Variants in OR2L3 observed in about 807,000 individuals in gnomAD.
OR2L3 encodes olfactory receptor family 2 subfamily L member 3.
For synonymous variants in OR2L3, 131 were observed against 139.1 expected, an observed-to-expected ratio of 0.94 and a Z score of 0.41; for missense variants, 369 against 376.6, an observed-to-expected ratio of 0.98 and a Z score of 0.17.
chr1:248,051,177 CT>C (rs1432013108), intron 1 of OR2L3: 2 of 150,008 alleles, frequency 1.3e-5, no homozygotes, highest in Non-Finnish European at 3.0e-5. Context: ...TTCCCTTCCC[CT>C]ATCCTCCAGG....
In OR2L3 at chr1:248,051,763, C is replaced by CTTTTA. The variant is rs561209781; in HGVS notation, c.-22+4892_-22+4896dup. On this transcript the variant is annotated intron_variant, in intron 1 of 1. Coordinates refer to ENST00000359959, the MANE Select transcript of OR2L3 (RefSeq NM_001004687.2). The stretch of plus-strand genomic sequence containing the variant: ...CCAAAAATGTCTGTTCAAGTGTCTG[C>CTTTTA]TTTTATTTTATTTATTTATTTATTA... Among the ~76,000 whole-genome samples the CTTTTA allele has an allele frequency of 2.8e-4, 40 of 140,886 alleles. 1 individual carries two copies. The East Asian group carries it at 8.4e-3, about 29-fold the overall frequency. The allele number at this position is 140,886 out of a possible 152,430, so 92.4% of individuals were successfully genotyped here.
chr1:248,052,845 G>C (rs1305137117), intron 1 of OR2L3, among the ~76,000 whole-genome samples: 1 of 151,540 alleles, frequency 6.6e-6, no homozygotes, highest in African/African-American at 2.4e-5. Context: ...TTTAGAATGG[G>C]CTTTTCTGTT....
rs772262592 is a variant in OR2L3, at chr1:248,061,511, A to G, written c.830A>G (p.Tyr277Cys). Residue 277 changes from tyrosine (Y) to cysteine (C), a missense_variant, in exon 2 of 2, where the codon TAC becomes TGC. Tyr to Cys is a radical substitution (Grantham distance 194). Coordinates refer to ENST00000359959, the MANE Select transcript of OR2L3 (RefSeq NM_001004687.2). ...PTEDKVLAVF[Y>C]TTLTPMLNPI... ...GAGGACAAGGTTCTGGCTGTCTTCT[A>G]CACCACCCTCACTCCAATGCTCAAC... The G allele has an allele frequency of 1.9e-6, 3 of 1,613,856 alleles. No individual in the cohort carries two copies. In the Admixed American group the frequency reaches 5.0e-5, roughly 27 times the overall value.
chr1:248,051,372 A>G (rs1284474583), intron 1 of OR2L3: 2 of 152,210 alleles, frequency 1.3e-5, no homozygotes, highest in Non-Finnish European at 2.9e-5. Flanking sequence ...TATACATACT[A>G]TATTTATATT....
chr1:248,060,017 T>A (rs1473865292), intron 1 of OR2L3, among the ~76,000 whole-genome samples: 1 of 149,928 alleles, frequency 6.7e-6, no homozygotes, highest in African/African-American at 2.5e-5. Context: ...CCCACCTGGG[T>A]AACAGAGAGA....
chr1:248,054,318 T>C (rs943662148), intron 1 of OR2L3, among the ~76,000 whole-genome samples: 4 of 152,234 alleles, frequency 2.6e-5, no homozygotes, highest in African/African-American at 9.6e-5. Flanking sequence ...TTGGTCTATG[T>C]GCTTGTTTTT....
Position 248,054,381 on chromosome 1 carries a change from C to T in OR2L3, c.-21-6280C>T, listed in dbSNP as rs749318790. Among the ~76,000 whole-genome samples, 51 of 152,216 alleles carry T rather than the reference C, an allele frequency of 3.4e-4. 1 individual carries two copies. Among genetic ancestry groups the T allele is most frequent in the Middle Eastern group, 3.4e-3 (1 of 294 alleles). On this transcript the variant is annotated intron_variant, in intron 1 of 1. Coordinates refer to ENST00000359959, the MANE Select transcript of OR2L3 (RefSeq NM_001004687.2). ...GTAGCTTTGTAGTATAGTTTGCAGT[C>T]GGGTAGCCTGATGCCTCCAGCTTTG...
chr1:248,050,174 C>G (rs531980086), intron 1 of OR2L3, among the ~76,000 whole-genome samples: 72 of 151,996 alleles, frequency 4.7e-4, no homozygotes, highest in African/African-American at 1.7e-3. Flanking sequence ...CCTACTCACT[C>G]TGAAATAGTG....
intron 1 of OR2L3, among the ~76,000 whole-genome samples, chr1:248,048,800 C>G (rs964236695): frequency 2.6e-5 from 4 of 152,158 alleles, no homozygotes; most frequent in Admixed American, 2.6e-4. Context: ...TTCTGGAAAA[C>G]TCCATAAAGA....
intron 1 of OR2L3, among the ~76,000 whole-genome samples, chr1:248,054,241 C>T (rs1663362063): frequency 6.6e-6 from 1 of 152,172 alleles, no homozygotes; most frequent in Admixed American, 6.5e-5. Flanking sequence ...TTGTTTTTTT[C>T]CAGTTTGTTG....
At chr1:248,055,792 T>C (rs981116064) in intron 1 of OR2L3, 16 of 152,160 alleles carry the variant, frequency 1.1e-4, no homozygotes, top group African/African-American at 1.7e-4. Context: ...AAAAAAATGA[T>C]TTAGGGTGGA....
rs201381266 is a variant in OR2L3 at position 248,061,474 on chromosome 1, C to T, written c.793C>T (p.Arg265Ter). The change falls in exon 2 of 2, where the codon CGA becomes TGA. Residue 265 changes from arginine to a stop codon, truncating the protein, a stop_gained. Coordinates refer to ENST00000359959, the MANE Select transcript of OR2L3 (RefSeq NM_001004687.2). LOFTEE classifies it low-confidence loss of function (END_TRUNC). ...VYTYLRPRSLRSPTEDKVLAV... is the reference protein window; with the variant it reads ...VYTYLRPRSL ...CACTTATCTACGTCCAAGATCCCTG[C>T]GATCTCCAACAGAGGACAAGGTTCT... 74 of 1,613,828 alleles carry T rather than the reference C, an allele frequency of 4.6e-5. No homozygotes were observed. Among genetic ancestry groups the T allele is most frequent in the Middle Eastern group, 1.6e-4 (1 of 6,080 alleles).
chr1:248,054,455 G>A (rs908613198), intron 1 of OR2L3, among the ~76,000 whole-genome samples: 5 of 151,994 alleles, frequency 3.3e-5, no homozygotes, highest in Admixed American at 2.6e-4. Context: ...TTTTAAAATA[G>A]TTCTTTTTTT....
At position 248,062,546 on chromosome 1, in the gene OR2L3, G is replaced by A. The variant is rs1035603664; in HGVS notation, c.*926G>A. 1.3e-4 allele frequency: 20 copies of A among 152,200 alleles called. No homozygotes were observed. The highest frequency in any genetic ancestry group is 4.8e-4 in the African/African-American group (20 of 41,450). 9.4% of individuals were successfully genotyped at this position (152,200 alleles called of 1,614,324 possible). A position where few individuals can be genotyped will look rare whatever the true frequency, so the allele number is the denominator to read the frequency against. On this transcript the variant is annotated 3_prime_UTR_variant, in exon 2 of 2. Coordinates refer to ENST00000359959, the MANE Select transcript of OR2L3 (RefSeq NM_001004687.2). ...ACTGAACTAGTGGAAATAGAGAAGA[G>A]ACTGATGGTCACCAGAGGGTGGGAA...
chr1:248,056,146 T>G (rs943942049), intron 1 of OR2L3, among the ~76,000 whole-genome samples: 1 of 152,176 alleles, frequency 6.6e-6, no homozygotes, highest in African/African-American at 2.4e-5. Context: ...TTGTGTTCAT[T>G]GGAATCTTCT....
chr1:248,048,222 C>T (rs1161681005), intron 1 of OR2L3, among the ~76,000 whole-genome samples: 1 of 152,210 alleles, frequency 6.6e-6, no homozygotes, highest in African/African-American at 2.4e-5. Context: ...TGGAAGCACA[C>T]ATACACACAT....
chr1:248,061,360 A>C lies in OR2L3; in HGVS notation c.679A>C (p.Met227Leu), dbSNP rs1474127109. ...CCGGGTTCTCCTTGCTGTCTACCAC[A>C]TGAAATCTGCAGAAGGGAGGAAGAA... is the stretch of plus-strand genomic sequence containing the variant. ...YGRVLLAVYH[M>L]KSAEGRKKAY... Residue 227 changes from methionine (M) to leucine (L), a missense_variant, in exon 2 of 2, where the codon ATG becomes CTG. By Grantham distance (15) the Met-to-Leu change is conservative (BLOSUM62 2). Transcript: ENST00000359959. 5.6e-6 allele frequency: 9 copies of C among 1,613,874 alleles called. No homozygotes were observed. Among genetic ancestry groups the C allele is most frequent in the Non-Finnish European group, 7.6e-6 (9 of 1,180,014 alleles).
chr1:248,055,403 T>G (rs76022997), intron 1 of OR2L3, among the ~76,000 whole-genome samples: 2 of 151,182 alleles, frequency 1.3e-5, no homozygotes, highest in African/African-American at 4.9e-5. Context: ...AAAGTTTTCT[T>G]TTTTTTTTGT....
At position 248,053,656 on chromosome 1, in the gene OR2L3, G is replaced by A. The variant is rs539369814; in HGVS notation, c.-22+6776G>A. On this transcript the variant is annotated intron_variant, in intron 1 of 1. Transcript: ENST00000359959. ...CTTTTTAATAATTGCCATTCTGATCGGCAGCAGATGGTATCTAATTATGGT... is the reference window on the plus strand; with the variant it reads ...CTTTTTAATAATTGCCATTCTGATCAGCAGCAGATGGTATCTAATTATGGT... 3.5e-4 allele frequency among the ~76,000 whole-genome samples: 54 copies of A among 152,248 alleles called. 1 individual carries two copies. Among genetic ancestry groups the A allele is most frequent in the Admixed American group, 1.7e-3 (26 of 15,296 alleles).
Sources: allele counts gnomAD v4.1 joint callset (sites outside exome capture counted in the v4.1 genomes callset), GRCh38; gene constraint gnomAD v4.1.1; transcripts MANE v1.5; gene names NCBI Gene and HGNC (gene_info 2026-07-23, HGNC 2026-07-21).